The following NOP16 variants were observed in gnomAD, a reference collection of about 807,000 sequenced individuals.
NOP16 encodes NOP16 nucleolar protein.
In NOP16, 14 loss-of-function variants were observed where a neutral mutation model predicts 22.7. The ratio of observed to expected loss-of-function variants is 0.62; its 90% CI spans 0.41 to 0.97. The LOEUF (loss-of-function observed/expected upper bound fraction) is 0.97. NOP16 is among the 50% of genes least tolerant of loss of function. NOP16 has a pLI of 0.00. For synonymous variants in NOP16, 80 were observed against 83.6 expected (o/e 0.96, Z 0.23); for missense variants, 198 against 235.9 (o/e 0.84, Z 1.05).
rs1457142844 is a variant in NOP16 at position 176,384,113 on chromosome 5, T to G, written c.*118A>C. On this transcript the variant is annotated 3_prime_UTR_variant, in exon 5 of 5. Transcript: ENST00000614830. ...GCACGTGTGTGTGTAACCTTCTGAT[T>G]CCATGGGACCTGGCCAGCTCCTCTG... 1 of 1,609,026 alleles carries G rather than the reference T, an allele frequency of 6.2e-7. No homozygotes were observed. The highest frequency in any genetic ancestry group is 8.5e-7 in the Non-Finnish European group (1 of 1,179,664).
intron 4 of NOP16, 145 bp downstream of exon 4, chr5:176,385,076 C>T: frequency 5.9e-6 from 4 of 674,436 alleles, no homozygotes; most frequent in Non-Finnish European, 1.1e-5. Flanking sequence ...AGTTAGATCC[C>T]TGTCAATGGG....
Position 176,388,576 on chromosome 5 carries a change from C to T in NOP16, c.-37G>A. ...CCGCACCAGCAGCTCAAACACGCTG[C>T]CTCTGTCTCTCAGACCTCGTGTAAC... is the stretch of plus-strand genomic sequence containing the variant. On this transcript the variant is annotated 5_prime_UTR_variant, in exon 1 of 5. Coordinates refer to ENST00000614830, the MANE Select transcript of NOP16 (RefSeq NM_016391.8). 1 of 1,564,230 alleles carries T rather than the reference C, an allele frequency of 6.4e-7. No individual in the cohort carries two copies. The highest frequency in any genetic ancestry group is 8.8e-7 in the Non-Finnish European group (1 of 1,138,946).
At chr5:176,385,179 A>T in intron 4 of NOP16, 42 bp downstream of exon 4, 1 of 1,134,012 alleles carries the variant, frequency 8.8e-7, no homozygotes, top group Non-Finnish European at 1.3e-6. Flanking sequence ...CGAATGGTCC[A>T]GGGCGCCTTC....
At chr5:176,384,479 G>A (rs967647708) in intron 4 of NOP16, 105 bp from the exon 5 acceptor site, 1 of 1,156,610 alleles carries the variant, frequency 8.6e-7, no homozygotes, top group Non-Finnish European at 1.2e-6. Context: ...CTGAGGTCCA[G>A]AATCCTGACC....
intron 4 of NOP16, 134 bp from the exon 5 acceptor site, chr5:176,384,508 C>T (rs940933242): frequency 1.4e-5 from 12 of 836,854 alleles, no homozygotes; most frequent in African/African-American, 1.4e-4. Flanking sequence ...TGTGGTGCAC[C>T]GGGCACAGTG....
intron 3 of NOP16, among the ~76,000 whole-genome samples, chr5:176,385,745 G>C (rs907070282): frequency 6.6e-6 from 1 of 152,142 alleles, no homozygotes; most frequent in African/African-American, 2.4e-5. Context: ...ACATGAAATG[G>C]GACGGTCTAA....
intron 4 of NOP16, chr5:176,384,814 G>A (rs1382120980): frequency 9.7e-6 from 4 of 410,818 alleles, no homozygotes; most frequent in East Asian, 8.1e-5. Flanking sequence ...GGCCAGGGAG[G>A]AGCTGGGGCC....
At chr5:176,386,967 C>G (rs376639458) in intron 2 of NOP16, 58 bp from the exon 3 acceptor site, 44 of 1,458,476 alleles carry the variant, frequency 3.0e-5, no homozygotes, top group Non-Finnish European at 3.4e-5. Context: ...AAGTTATAGA[C>G]TCCTGCTTAT....
At chr5:176,385,028 A>G in intron 4 of NOP16, 193 bp downstream of exon 4, 3 of 594,352 alleles carry the variant, frequency 5.0e-6, no homozygotes, top group Non-Finnish European at 9.0e-6. Flanking sequence ...ACTGGAACCA[A>G]GGTCACTCAG....
At chr5:176,385,400 C>T (rs1014861789) in intron 3 of NOP16, 73 bp from the exon 4 acceptor site, 1 of 893,268 alleles carries the variant, frequency 1.1e-6, no homozygotes, top group Non-Finnish European at 1.9e-6. Context: ...TGTCCAATCA[C>T]CCCTTCACCC....
chr5:176,387,318 A>G (rs1241244763), intron 2 of NOP16, among the ~76,000 whole-genome samples: 2 of 152,146 alleles, frequency 1.3e-5, no homozygotes, highest in Admixed American at 1.3e-4. Flanking sequence ...GGCCTCAAGT[A>G]ATCCGTCTGT....
intron 4 of NOP16, chr5:176,384,878 G>A (rs1755708034): frequency 4.0e-6 from 2 of 505,862 alleles, no homozygotes; most frequent in Admixed American, 6.8e-5. Flanking sequence ...GGGCCCAGGG[G>A]TCCAGTGTAG....
In NOP16 at chr5:176,388,315, C is replaced by T. The variant is rs200947536; in HGVS notation, c.136G>A (p.Ala46Thr). ...CSHIRHAWDH[A>T]KSVRQNLAEM... ...GCCAGGTTCTGCCGTACCGATTTAG[C>T]GTGGTCCCAGGCATGTCGGATGTGG... The change falls in exon 2 of 5, where the codon GCT becomes ACT. Residue 46 changes from alanine (A) to threonine (T), a missense_variant. Physicochemically the swap from Ala to Thr is moderately conservative, Grantham distance 58 (BLOSUM62 0). Coordinates refer to ENST00000614830, the MANE Select transcript of NOP16 (RefSeq NM_016391.8). 2.5e-6 allele frequency: 4 copies of T among 1,614,200 alleles called. No individual in the cohort carries two copies. The highest frequency in any genetic ancestry group is 1.7e-6 in the Non-Finnish European group (2 of 1,180,024).
intron 4 of NOP16, 112 bp from the exon 5 acceptor site, chr5:176,384,486 G>C: frequency 9.4e-7 from 1 of 1,064,770 alleles, no homozygotes; most frequent in Non-Finnish European, 1.4e-6. Context: ...CCAGAATCCT[G>C]ACCTCAAAGG....
chr5:176,388,158 C>T (rs1445333289), intron 2 of NOP16, 77 bp downstream of exon 2: 2 of 1,113,756 alleles, frequency 1.8e-6, no homozygotes, highest in Non-Finnish European at 1.3e-6. Context: ...ATGGGCAGTA[C>T]CACGTTCTGA....
At position 176,384,056 on chromosome 5, in the gene NOP16, G is replaced by C. The variant is rs1339552148; in HGVS notation, c.*175C>G. ...CAGATGAATATAAATTGGAGCCTCT[G>C]AGAACAGTTCCTTCCCCAGAGCGGG... On this transcript the variant is annotated 3_prime_UTR_variant, in exon 5 of 5. Coordinates refer to ENST00000614830, the MANE Select transcript of NOP16 (RefSeq NM_016391.8). The C allele has an allele frequency of 5.1e-6, 8 of 1,558,644 alleles. No homozygotes were observed. Among genetic ancestry groups the C allele is most frequent in the Non-Finnish European group, 6.9e-6 (8 of 1,157,692 alleles).
intron 2 of NOP16, 82 bp from the exon 3 acceptor site, chr5:176,386,991 C>T (rs771627835): frequency 3.2e-6 from 4 of 1,233,514 alleles, no homozygotes; most frequent in Non-Finnish European, 4.8e-6. Flanking sequence ...AACACAACTA[C>T]TAACCCATAA....
At chr5:176,385,406 C>T (rs897855922) in intron 3 of NOP16, 79 bp from the exon 4 acceptor site, 11 of 841,886 alleles carry the variant, frequency 1.3e-5, no homozygotes, top group African/African-American at 1.0e-4. Context: ...ATCACCCCTT[C>T]ACCCACTCCC....
At chr5:176,388,383 G>A in intron 1 of NOP16, 40 bp from the exon 2 acceptor site, 1 of 1,612,572 alleles carries the variant, frequency 6.2e-7, no homozygotes, top group African/African-American at 1.3e-5. Flanking sequence ...GTCATCTCGC[G>A]GACCGTCCCG....
Sources: allele counts gnomAD v4.1 joint callset (sites outside exome capture counted in the v4.1 genomes callset), GRCh38; gene constraint gnomAD v4.1.1; transcripts MANE v1.5; gene names NCBI Gene and HGNC (gene_info 2026-07-23, HGNC 2026-07-21).